Variants in RXRB observed in about 807,000 individuals in gnomAD.
RXRB encodes retinoid X receptor beta.
A neutral mutation model predicts 52.5 loss-of-function variants in RXRB; 18 were observed. The observed-to-expected ratio is 0.34, with a 90% CI of 0.24 to 0.51. RXRB has a LOEUF of 0.51. RXRB is among the 20% of genes least tolerant of loss of function. The probability of loss-of-function intolerance (pLI) is 0.97; values close to 1 mark genes in which losing one functional copy is unlikely to be tolerated. For missense variants in RXRB, 455 were observed against 698.2 expected, an observed-to-expected ratio of 0.65 and a Z score of 3.92; for synonymous variants, 233 against 267.1, an observed-to-expected ratio of 0.87 and a Z score of 1.25.
In RXRB at chr6:33,195,528, AC is replaced by A. The variant is rs777180065; in HGVS notation, c.1256+41del. The A allele has an allele frequency of 6.2e-7, 1 of 1,612,390 alleles. No individual in the cohort carries two copies. Among genetic ancestry groups the A allele is most frequent in the African/African-American group, 1.3e-5 (1 of 74,748 alleles). Reference sequence around the variant, plus strand: ...TGGACACGGACCAGCCTATAGCCCCACCCCCTCTATCTACATGCCAGCCTAG... The same window carrying A: ...TGGACACGGACCAGCCTATAGCCCCACCCCTCTATCTACATGCCAGCCTAG... On this transcript the variant is annotated intron_variant, in intron 7 of 9. Transcript: ENST00000374680. This position sits in a 1 kb window ranked among gnomAD's most constrained non-coding sequence, Gnocchi z 8.6.
In RXRB at chr6:33,196,618, A is replaced by G; in HGVS notation, c.821-12T>C. On this transcript the variant is annotated splice_polypyrimidine_tract_variant and intron_variant, in intron 4 of 9. Transcript: ENST00000374680. This position sits in a 1 kb window ranked among gnomAD's most constrained non-coding sequence, Gnocchi z 4.0. ...CTCCTCCTGTACCGCTGCAGGGGGA[A>G]GGGGGAGAGAAAAAATGGAAAGTCA... 1 of 1,574,470 alleles carries G rather than the reference A, an allele frequency of 6.4e-7. No homozygotes were observed. Among genetic ancestry groups the G allele is most frequent in the Non-Finnish European group, 8.6e-7 (1 of 1,161,512 alleles).
Position 33,195,425 on chromosome 6 carries a change from C to T in RXRB, c.1286G>A (p.Arg429His), listed in dbSNP as rs2150660229. The change falls in exon 8 of 10, where the codon CGT (arginine) becomes CAT (histidine). Residue 429 changes from arginine to histidine, a missense_variant. Physicochemically the swap from Arg to His is conservative, Grantham distance 29. Around this residue, in one of 4 missense-constraint regions of RXRB, gnomAD observed 115 missense variants for 253.1 expected, o/e 0.45. Coordinates refer to ENST00000374680, the MANE Select transcript of RXRB (RefSeq NM_021976.5). This position sits in a 1 kb window ranked among gnomAD's most constrained non-coding sequence, Gnocchi z 8.6. ...RVLTELVSKM[R>H]DMRMDKTELG... Reference sequence around the variant, plus strand: ...CTCTGTCTTGTCCATCCTCATGTCACGCATTTTGGACACTAGCTCTGTCAG... The same window carrying T: ...CTCTGTCTTGTCCATCCTCATGTCATGCATTTTGGACACTAGCTCTGTCAG... 8 of 1,612,850 alleles carry T rather than the reference C, an allele frequency of 5.0e-6. No homozygotes were observed. The highest frequency in any genetic ancestry group is 6.8e-6 in the Non-Finnish European group (8 of 1,179,820).
chr6:33,196,407 G>C lies in RXRB; in HGVS notation c.993+27C>G. 3.7e-6 allele frequency: 6 copies of C among 1,609,960 alleles called. No individual in the cohort carries two copies. Among genetic ancestry groups the C allele is most frequent in the Non-Finnish European group, 5.1e-6 (6 of 1,177,318 alleles). ...TGCCTCCCCCAACCCCCATCACGAA[G>C]GAGAGTGGATTGACCCCAACACTCA... is the stretch of plus-strand genomic sequence containing the variant. On this transcript the variant is annotated intron_variant, in intron 5 of 9. Transcript: ENST00000374680. The surrounding 1 kb of genome is among the most constrained non-coding windows in gnomAD (Gnocchi z 4.0).
At chr6:33,198,278 C>A in intron 3 of RXRB, 30 bp downstream of exon 3, 2 of 1,612,798 alleles carry the variant, frequency 1.2e-6, no homozygotes, top group South Asian at 2.2e-5. Flanking sequence ...CCCAGACTCT[C>A]CCTCTCTGTT....
chr6:33,200,360 T>C lies in RXRB; in HGVS notation c.117A>G (p.Arg39=). The change falls in exon 1 of 10, where the codon CGA becomes CGG. Residue 39 remains arginine (R), a synonymous_variant. Transcript: ENST00000374680. The surrounding 1 kb of genome is among the most constrained non-coding windows in gnomAD (Gnocchi z 6.3). The part of the protein sequence containing the change: ...HCGVASRWRR[R]RPWLDPAAAA... ...CCGCTGCGGGATCCAGCCAGGGCCG[T>C]CGCCGCCGCCACCGGGACGCGACCC... 1 of 1,568,740 alleles carries C rather than the reference T, an allele frequency of 6.4e-7. No homozygotes were observed. The highest frequency in any genetic ancestry group is 2.4e-5 in the East Asian group (1 of 42,422).
rs1261091453 is a variant in RXRB, at chr6:33,194,347, G to A, written c.*335C>T. 1 of 261,490 alleles carries A rather than the reference G, an allele frequency of 3.8e-6. No homozygotes were observed. Among genetic ancestry groups the A allele is most frequent in the African/African-American group, 2.2e-5 (1 of 45,104 alleles). 16.2% of individuals were successfully genotyped at this position (261,490 alleles called of 1,614,324 possible). ...TCAGATGGGAAGCAAAATGAGGCAA[G>A]ATGAGAAGGAAGCAAGGTCCTGGAG... On this transcript the variant is annotated 3_prime_UTR_variant, in exon 10 of 10. Coordinates refer to ENST00000374680, the MANE Select transcript of RXRB (RefSeq NM_021976.5). This position sits in a 1 kb window ranked among gnomAD's most constrained non-coding sequence, Gnocchi z 4.1.
Position 33,196,515 on chromosome 6 carries a change from G to T in RXRB, c.912C>A (p.Ile304=), listed in dbSNP as rs1175941740. 2 of 1,612,878 alleles carry T rather than the reference G, an allele frequency of 1.2e-6. No homozygotes were observed. Among genetic ancestry groups the T allele is most frequent in the African/African-American group, 2.7e-5 (2 of 74,926 alleles). Residue 304 remains isoleucine (I), a synonymous_variant, in exon 5 of 10, where the codon ATC becomes ATA. Transcript: ENST00000374680. The surrounding 1 kb of genome is among the most constrained non-coding windows in gnomAD (Gnocchi z 4.0). ...GAPEEMPVDR[I]LEAELAVEQK... Reference sequence around the variant, plus strand: ...GTTCCACAGCAAGCTCTGCCTCCAGGATCCTGTCCACAGGCATCTCCTCGG... The same window carrying T: ...GTTCCACAGCAAGCTCTGCCTCCAGTATCCTGTCCACAGGCATCTCCTCGG...
At chr6:33,199,742 T>C (rs1774288836) in intron 1 of RXRB, 2 of 399,692 alleles carry the variant, frequency 5.0e-6, no homozygotes, top group Non-Finnish European at 9.6e-6. Flanking sequence ...GAGGAGGGAG[T>C]TGACAAGGAG....
At chr6:33,198,913 C>CAAAAAA (rs9280361) in intron 2 of RXRB, among the ~76,000 whole-genome samples, 1 of 74,104 alleles carries the variant, frequency 1.3e-5, no homozygotes, top group African/African-American at 5.0e-5. Context: ...GACTCCATCT[C>CAAAAAA]AAAAAAAAAA....
rs1200610906 is a variant in RXRB, at chr6:33,197,797, T to C, written c.785A>G (p.Tyr262Cys). The C allele has an allele frequency of 6.2e-7, 1 of 1,614,018 alleles. No homozygotes were observed. The highest frequency in any genetic ancestry group is 2.2e-5 in the East Asian group (1 of 44,888). Residue 262 changes from tyrosine to cysteine, a missense_variant, in exon 4 of 10, where the codon TAT becomes TGT. Coordinates refer to ENST00000374680, the MANE Select transcript of RXRB (RefSeq NM_021976.5). The surrounding 1 kb of genome is among the most constrained non-coding windows in gnomAD (Gnocchi z 4.4). ...RQRNRCQYCRYQKCLATGMKR... is the reference protein window; with the variant it reads ...RQRNRCQYCRCQKCLATGMKR... Reference sequence around the variant, plus strand: ...CATGCCAGTGGCCAGGCACTTCTGATAGCGGCAGTACTGACAGCGGTTCCG... The same window carrying C: ...CATGCCAGTGGCCAGGCACTTCTGACAGCGGCAGTACTGACAGCGGTTCCG...
At position 33,200,112 on chromosome 6, in the gene RXRB, G is replaced by T; in HGVS notation, c.235+130C>A. ...GGGGGGAGGGTGCTAAGGCCCTCGG[G>T]AGGGAGGGGACGCGTGTTTACAAAC... On this transcript the variant is annotated intron_variant, in intron 1 of 9. Transcript: ENST00000374680. This position sits in a 1 kb window ranked among gnomAD's most constrained non-coding sequence, Gnocchi z 6.3. The T allele has an allele frequency of 7.7e-7, 1 of 1,297,718 alleles. No homozygotes were observed. The highest frequency in any genetic ancestry group is 1.2e-5 in the South Asian group (1 of 84,736). The allele number at this position is 1,297,718 out of a possible 1,614,324, so 80.4% of individuals were successfully genotyped here.
At position 33,195,825 on chromosome 6, in the gene RXRB, T is replaced by G; in HGVS notation, c.1123+82A>C. 2 of 1,603,104 alleles carry G rather than the reference T, an allele frequency of 1.2e-6. No individual in the cohort carries two copies. Among genetic ancestry groups the G allele is most frequent in the Non-Finnish European group, 1.7e-6 (2 of 1,174,396 alleles). Reference sequence around the variant, plus strand: ...AGTTTGGCTCCCTGGGTACGCAAGGTAAGGCCACTGGGGTCACTAAAGATC... The same window carrying G: ...AGTTTGGCTCCCTGGGTACGCAAGGGAAGGCCACTGGGGTCACTAAAGATC... On this transcript the variant is annotated intron_variant, in intron 6 of 9. Transcript: ENST00000374680. This position sits in a 1 kb window ranked among gnomAD's most constrained non-coding sequence, Gnocchi z 8.6.
Position 33,198,395 on chromosome 6 carries a change from C to G in RXRB, c.553G>C (p.Gly185Arg). 1 of 1,612,516 alleles carries G rather than the reference C, an allele frequency of 6.2e-7. No homozygotes were observed. The change falls in exon 3 of 10, where the codon GGG (glycine) becomes CGG (arginine). Residue 185 changes from glycine to arginine, a missense_variant. This residue lies in a region of RXRB where 225 missense variants were observed against 258.6 expected (regional missense o/e 0.87). Coordinates refer to ENST00000374680, the MANE Select transcript of RXRB (RefSeq NM_021976.5). Reference sequence around the variant, plus strand: ...GGTGGACAGTGCAGGCCCCGGACCCCTAAGACTGGTGGCTTCACATCTTCA... The same window carrying G: ...GGTGGACAGTGCAGGCCCCGGACCCGTAAGACTGGTGGCTTCACATCTTCA... ...PPEDVKPPVL[G>R]VRGLHCPPPP... is the part of the protein sequence containing the mutation.
chr6:33,200,415 G>A lies in RXRB; in HGVS notation c.62C>T (p.Pro21Leu). 6.3e-7 allele frequency: 1 copy of A among 1,577,362 alleles called. No homozygotes were observed. The highest frequency in any genetic ancestry group is 8.6e-7 in the Non-Finnish European group (1 of 1,163,512). ...ATGCATTTCTTTTCGCACCCCCACC[G>A]GCCCACACTGCCCTGCGGCATGCCG... Reference protein sequence around the residue: ...PQRHAAGQCGPVGVRKEMHCG... With the variant: ...PQRHAAGQCGLVGVRKEMHCG... Residue 21 changes from proline (P) to leucine (L), a missense_variant, in exon 1 of 10, where the codon CCG (proline) becomes CTG (leucine). Coordinates refer to ENST00000374680, the MANE Select transcript of RXRB (RefSeq NM_021976.5). The surrounding 1 kb of genome is among the most constrained non-coding windows in gnomAD (Gnocchi z 6.3).
At position 33,200,078 on chromosome 6, in the gene RXRB, C is replaced by A; in HGVS notation, c.235+164G>T. ...GAGGGCGGAAGCTCCCCTTCCCCGC[C>A]CCGCCCCGGGGGGGAGGGTGCTAAG... On this transcript the variant is annotated intron_variant, in intron 1 of 9. Transcript: ENST00000374680. The surrounding 1 kb of genome is among the most constrained non-coding windows in gnomAD (Gnocchi z 6.3). 1 of 1,071,882 alleles carries A rather than the reference C, an allele frequency of 9.3e-7. No homozygotes were observed. Among genetic ancestry groups the A allele is most frequent in the Non-Finnish European group, 1.4e-6 (1 of 699,024 alleles). The allele number at this position is 1,071,882 out of a possible 1,614,324, so 66.4% of individuals were successfully genotyped here.
Position 33,197,665 on chromosome 6 carries a change from G to A in RXRB, c.820+97C>T, listed in dbSNP as rs1156242799. ...AAATCAAATATCGCCCTCTAGAGGA[G>A]AGAGAGCAGTCCACCCTTCCAGAGA... On this transcript the variant is annotated intron_variant, in intron 4 of 9. Transcript: ENST00000374680. The surrounding 1 kb of genome is among the most constrained non-coding windows in gnomAD (Gnocchi z 4.4). 9.0e-7 allele frequency: 1 copy of A among 1,114,924 alleles called. No individual in the cohort carries two copies. The highest frequency in any genetic ancestry group is 2.2e-5 in the Admixed American group (1 of 45,442). 69.1% of individuals were successfully genotyped at this position (1,114,924 alleles called of 1,614,324 possible).
In RXRB at chr6:33,199,282, TCGGGGG is replaced by T; in HGVS notation, c.364_369del (p.Pro122_Pro123del). On this transcript the variant is annotated inframe_deletion, in exon 2 of 10. Transcript: ENST00000374680. ...GGAGAGCCCAGTGGGGGTGGTGGCA[TCGGGGG>T]TGGGGGTGGGGCCCCAGAGCCTCCA... The T allele has an allele frequency of 1.5e-5, 1 of 68,592 alleles. No homozygotes were observed. The highest frequency in any genetic ancestry group is 2.0e-5 in the Non-Finnish European group (1 of 49,754). The allele number at this position is 68,592 out of a possible 1,614,324, so 4.2% of individuals were successfully genotyped here.
Position 33,195,306 on chromosome 6 carries a change from A to G in RXRB, c.1348+57T>C. The G allele has an allele frequency of 6.4e-6, 7 of 1,093,862 alleles. No homozygotes were observed. Among genetic ancestry groups the G allele is most frequent in the Non-Finnish European group, 5.7e-6 (4 of 706,622 alleles). 67.8% of individuals were successfully genotyped at this position (1,093,862 alleles called of 1,614,324 possible). A position where few individuals can be genotyped will look rare whatever the true frequency, so the allele number is the denominator to read the frequency against. ...GCTGGGTAACTTAGGAGTCTCGGAG[A>G]AGAGGAGGCTCCAAGGTTGCCTTGG... On this transcript the variant is annotated intron_variant, in intron 8 of 9. Coordinates refer to ENST00000374680, the MANE Select transcript of RXRB (RefSeq NM_021976.5). The surrounding 1 kb of genome is among the most constrained non-coding windows in gnomAD (Gnocchi z 8.6).
upstream of RXRB, chr6:33,200,776 C>G: frequency 6.5e-7 from 1 of 1,535,056 alleles, no homozygotes; most frequent in Non-Finnish European, 8.8e-7. This position sits in a 1 kb window ranked among gnomAD's most constrained non-coding sequence, Gnocchi z 6.3. Context: ...CCTCCACACT[C>G]GCGCATGCGT....
Sources: allele counts gnomAD v4.1 joint callset (sites outside exome capture counted in the v4.1 genomes callset), GRCh38; gene constraint gnomAD v4.1.1; regional missense constraint gnomAD v4.1.1; non-coding constraint Gnocchi (gnomAD v3.1); transcripts MANE v1.5; gene names NCBI Gene and HGNC (gene_info 2026-07-23, HGNC 2026-07-21).